Variants in CDKL2 observed in about 807,000 individuals in gnomAD.
CDKL2 encodes cyclin-dependent kinase-like 2.
In CDKL2, 64 loss-of-function variants were observed where a neutral mutation model predicts 63.9. The ratio of observed to expected loss-of-function variants is 1.00; its 90% CI spans 0.82 to 1.23. The LOEUF is 1.23. Among genes scored for constraint, CDKL2 ranks in the 50% most tolerant of loss-of-function variants. CDKL2 has a pLI of 0.00. For synonymous variants in CDKL2, 211 were observed against 229.2 expected (o/e 0.92, Z 0.72); for missense variants, 656 against 668.0 (o/e 0.98, Z 0.20).
intron 3 of CDKL2, among the ~76,000 whole-genome samples, chr4:75,613,644 T>A (rs1232790127): frequency 6.6e-6 from 1 of 152,212 alleles, no homozygotes; most frequent in Non-Finnish European, 1.5e-5. Context: ...ATTCACACTT[T>A]GTAATTAGGC....
At chr4:75,615,975 G>A (rs1456552635) in intron 2 of CDKL2, among the ~76,000 whole-genome samples, 1 of 152,100 alleles carries the variant, frequency 6.6e-6, no homozygotes, top group East Asian at 1.9e-4. Flanking sequence ...ACTTCAGCTC[G>A]AGCAACAGAG....
At chr4:75,623,023 C>G (rs1488315307) in intron 2 of CDKL2, among the ~76,000 whole-genome samples, 1 of 152,118 alleles carries the variant, frequency 6.6e-6, no homozygotes, top group Non-Finnish European at 1.5e-5. Flanking sequence ...CACCTGTAAT[C>G]CCAGCACTTT....
chr4:75,618,282 G>T (rs1381843341), intron 2 of CDKL2, among the ~76,000 whole-genome samples: 1 of 75,504 alleles, frequency 1.3e-5, no homozygotes, highest in Non-Finnish European at 2.3e-5. Flanking sequence ...ACGGAGTTTC[G>T]CTCTTGTTGC....
chr4:75,607,174 A>T lies in CDKL2; in HGVS notation c.542+9T>A. The T allele has an allele frequency of 6.2e-7, 1 of 1,600,382 alleles. No homozygotes were observed. Among genetic ancestry groups the T allele is most frequent in the Non-Finnish European group, 8.5e-7 (1 of 1,171,134 alleles). ...AAAAATCTACTCCTCCCCATTACTG[A>T]TGTCTTACTTGCCATACTTGACATC... On this transcript the variant is annotated intron_variant, in intron 4 of 13. Transcript: ENST00000307465.
intron 3 of CDKL2, among the ~76,000 whole-genome samples, chr4:75,612,056 C>T (rs1282946670): frequency 5.3e-5 from 8 of 151,916 alleles, no homozygotes; most frequent in East Asian, 1.9e-4. Context: ...CTGCAACCTC[C>T]GCCTCCTGGG....
At chr4:75,588,070 C>T (rs189948581) in intron 12 of CDKL2, among the ~76,000 whole-genome samples, 40 of 151,644 alleles carry the variant, frequency 2.6e-4, no homozygotes, top group African/African-American at 8.7e-4. Flanking sequence ...CAAAATTAGC[C>T]GGGCGTGGTG....
chr4:75,598,314 G>T, intron 7 of CDKL2, 102 bp from the exon 8 acceptor site: 1 of 608,270 alleles, frequency 1.6e-6, no homozygotes, highest in South Asian at 3.4e-5. Context: ...TGTTAAACTA[G>T]TCTATGTTAT....
Position 75,607,331 on chromosome 4 carries a change from T to A in CDKL2, c.394A>T (p.Ile132Leu). The change falls in exon 4 of 14, where the codon ATA (isoleucine) becomes TTA (leucine). Residue 132 changes from isoleucine (I) to leucine (L), a missense_variant. By Grantham distance (5) the Ile-to-Leu change is conservative. Coordinates refer to ENST00000307465, the MANE Select transcript of CDKL2 (RefSeq NM_001330724.2). Reference protein sequence around the residue: ...IIHRDIKPENILVSQSGVVKL... With the variant: ...IIHRDIKPENLLVSQSGVVKL... The stretch of plus-strand genomic sequence containing the variant: ...ACAACGCCAGACTGGGAGACTAATA[T>A]ATTCTCTGGCTTTATATCTCTGTGT... 6.2e-7 allele frequency: 1 copy of A among 1,613,918 alleles called. No homozygotes were observed. Among genetic ancestry groups the A allele is most frequent in the East Asian group, 2.2e-5 (1 of 44,880 alleles).
chr4:75,606,916 TC>T (rs1729445560), intron 4 of CDKL2, among the ~76,000 whole-genome samples: 1 of 152,192 alleles, frequency 6.6e-6, no homozygotes, highest in African/African-American at 2.4e-5. Context: ...AATGTTCACC[TC>T]TCTTTACAAG....
chr4:75,611,079 A>C lies in CDKL2; in HGVS notation c.363+3176T>G, dbSNP rs1408864684. ...ATAGGTGCTATTATTATCTCCATTT[A>C]ACTAGGGGCTGGGAGTAAGGATTGG... On this transcript the variant is annotated intron_variant, in intron 3 of 13. Transcript: ENST00000307465. 2.0e-5 allele frequency among the ~76,000 whole-genome samples: 3 copies of C among 152,170 alleles called. No homozygotes were observed. In the East Asian group the frequency reaches 5.8e-4, roughly 29 times the overall value.
chr4:75,584,879 T>G (rs1394327523), intron 12 of CDKL2, among the ~76,000 whole-genome samples: 4 of 152,170 alleles, frequency 2.6e-5, no homozygotes, highest in Admixed American at 1.3e-4. Context: ...CAGACCACAG[T>G]TGACCATAGG....
intron 3 of CDKL2, among the ~76,000 whole-genome samples, chr4:75,613,836 A>T (rs907089910): frequency 3.3e-5 from 5 of 152,218 alleles, no homozygotes; most frequent in Non-Finnish European, 5.9e-5. Flanking sequence ...CAGGCAGATC[A>T]CCTGAGGTCA....
At chr4:75,583,318 A>G (rs1578311795) in intron 12 of CDKL2, among the ~76,000 whole-genome samples, 4 of 152,328 alleles carry the variant, frequency 2.6e-5, no homozygotes, top group Non-Finnish European at 5.9e-5. Context: ...GTTGTTAATT[A>G]TTTATCAAGA....
At chr4:75,583,250 T>G (rs1728336545) in intron 12 of CDKL2, among the ~76,000 whole-genome samples, 1 of 152,258 alleles carries the variant, frequency 6.6e-6, no homozygotes, top group Admixed American at 6.5e-5. Flanking sequence ...TATGAAGTTC[T>G]AACTTAAAGT....
chr4:75,619,753 A>T (rs1296462983), intron 2 of CDKL2, among the ~76,000 whole-genome samples: 1 of 152,188 alleles, frequency 6.6e-6, no homozygotes, highest in Non-Finnish European at 1.5e-5. Flanking sequence ...ATCACAAAGT[A>T]GGTAAAAAAA....
intron 6 of CDKL2, 40 bp from the exon 7 acceptor site, chr4:75,600,409 A>AC: frequency 1.6e-6 from 2 of 1,225,244 alleles, no homozygotes; most frequent in Non-Finnish European, 2.4e-6. Flanking sequence ...ATCAAGAAAA[A>AC]CTACCTACAT....
chr4:75,596,431 A>T, intron 9 of CDKL2, 91 bp from the exon 10 acceptor site: 1 of 757,360 alleles, frequency 1.3e-6, no homozygotes, highest in Non-Finnish European at 2.3e-6. Context: ...CCAACTAACA[A>T]GCAGTTTAAC....
At chr4:75,626,168 A>G (rs992084806) in intron 1 of CDKL2, among the ~76,000 whole-genome samples, 151 bp from the exon 2 acceptor site, 1 of 152,234 alleles carries the variant, frequency 6.6e-6, no homozygotes, top group African/African-American at 2.4e-5. Flanking sequence ...GTGTTTCTAC[A>G]TGTAAGCTAT....
chr4:75,590,671 T>A (rs1336664856), intron 12 of CDKL2, among the ~76,000 whole-genome samples: 2 of 152,072 alleles, frequency 1.3e-5, no homozygotes, highest in African/African-American at 4.8e-5. Context: ...GCTGAGATTG[T>A]GCCACTGCAC....
Sources: gnomAD v4.1 joint callset for allele counts (sites outside exome capture counted in the v4.1 genomes callset) on GRCh38, gnomAD v4.1.1 for gene constraint, MANE v1.5 for transcripts, NCBI Gene and HGNC (gene_info 2026-07-23, HGNC 2026-07-21) for gene names.